Variants in BMPR1B observed in about 807,000 individuals in gnomAD.
BMPR1B encodes the protein bone morphogenetic protein receptor type-1B.
BMPR1B carries 12 observed loss-of-function variants against 59.1 expected under a neutral mutation model. The ratio of observed to expected loss-of-function variants is 0.20; its 90% CI spans 0.13 to 0.33. The LOEUF (loss-of-function observed/expected upper bound fraction) is 0.33, where lower values mean the gene tolerates loss of function less well. Ranked by LOEUF, BMPR1B falls within the 10% of genes least tolerant of loss-of-function variation. The pLI, the probability that BMPR1B is intolerant of heterozygous loss-of-function variation, is 1.00. For synonymous variants in BMPR1B, 237 were observed against 207.3 expected, an observed-to-expected ratio of 1.14 and a Z score of -1.23; for missense variants, 550 against 610.9, an observed-to-expected ratio of 0.90 and a Z score of 1.05.
intron 3 of BMPR1B, among the ~76,000 whole-genome samples, chr4:95,066,313 A>G (rs1012162238): frequency 6.6e-6 from 1 of 152,230 alleles, no homozygotes; most frequent in African/African-American, 2.4e-5. Flanking sequence ...GCACATAGAC[A>G]TAACATAAGC....
intron 3 of BMPR1B, among the ~76,000 whole-genome samples, chr4:95,046,936 T>C (rs546822329): frequency 2.0e-5 from 3 of 152,362 alleles, no homozygotes; most frequent in African/African-American, 7.2e-5. Context: ...GAACCTGTGA[T>C]GAAAGCTGCA....
intron 2 of BMPR1B, among the ~76,000 whole-genome samples, chr4:94,929,858 C>G (rs62316217): frequency 2.0e-5 from 3 of 152,016 alleles, no homozygotes; most frequent in Non-Finnish European, 4.4e-5. Flanking sequence ...AAGCTAACCT[C>G]GTCTTCCCTT....
chr4:95,091,316 G>C (rs1729971232), intron 3 of BMPR1B: 1 of 230,392 alleles, frequency 4.3e-6, no homozygotes, highest in Non-Finnish European at 7.0e-6. Context: ...TGACTCCTAG[G>C]TTTCTTTTCT....
At chr4:95,036,648 G>C (rs941340861) in intron 3 of BMPR1B, among the ~76,000 whole-genome samples, 2 of 148,814 alleles carry the variant, frequency 1.3e-5, no homozygotes, top group African/African-American at 4.9e-5. Flanking sequence ...CCAAATCTTG[G>C]CTATCATGGC....
intron 10 of BMPR1B, among the ~76,000 whole-genome samples, chr4:95,142,281 T>C (rs1734287472): frequency 6.6e-6 from 1 of 152,196 alleles, no homozygotes; most frequent in Admixed American, 6.5e-5. Context: ...GCACAGCCCC[T>C]TCTTCCATAG....
chr4:94,942,982 T>C (rs1729573896), intron 2 of BMPR1B, among the ~76,000 whole-genome samples: 1 of 152,196 alleles, frequency 6.6e-6, no homozygotes, highest in South Asian at 2.1e-4. Context: ...GTATCTTCAG[T>C]CGTCAACCTT....
intron 2 of BMPR1B, among the ~76,000 whole-genome samples, chr4:94,939,824 C>A (rs1370147200): frequency 2.0e-5 from 3 of 152,096 alleles, no homozygotes; most frequent in Non-Finnish European, 2.9e-5. Context: ...TTATTTGACA[C>A]CTTTTTAAAG....
At chr4:95,070,832 C>T (rs1728225950) in intron 3 of BMPR1B, among the ~76,000 whole-genome samples, 1 of 151,992 alleles carries the variant, frequency 6.6e-6, no homozygotes. Flanking sequence ...AAGATAAAGG[C>T]ATTTATCTTA....
At chr4:94,911,072 G>A (rs889790572) in intron 2 of BMPR1B, among the ~76,000 whole-genome samples, 2 of 152,132 alleles carry the variant, frequency 1.3e-5, no homozygotes, top group Admixed American at 1.3e-4. Context: ...ACATACTAAT[G>A]TATTCATAAA....
chr4:94,884,743 C>G (rs1393442197), intron 2 of BMPR1B, among the ~76,000 whole-genome samples: 1 of 152,056 alleles, frequency 6.6e-6, no homozygotes, highest in Non-Finnish European at 1.5e-5. Flanking sequence ...GCAGCAATGC[C>G]CCCAAACTTC....
chr4:95,085,358 G>A (rs1729498038), intron 3 of BMPR1B, among the ~76,000 whole-genome samples: 1 of 152,134 alleles, frequency 6.6e-6, no homozygotes, highest in Admixed American at 6.5e-5. Flanking sequence ...GAAGTCGAGA[G>A]AGGCAAACAG....
At chr4:94,762,968 T>C (rs1721837803) in intron 1 of BMPR1B, among the ~76,000 whole-genome samples, 2 of 152,066 alleles carry the variant, frequency 1.3e-5, no homozygotes, top group South Asian at 4.2e-4. Flanking sequence ...CTCAGCACCT[T>C]CTTAGAGTTC....
In BMPR1B at chr4:95,071,388, C is replaced by G. The variant is rs576868827; in HGVS notation, c.-17-33020C>G. On this transcript the variant is annotated intron_variant, in intron 3 of 12. Transcript: ENST00000515059. ...AAACTAAATTAAAACAAAAATCACT[C>G]TGTCTGATCAGTAATCATCTCTTAG... Among the ~76,000 whole-genome samples, 111 of 152,174 alleles carry G rather than the reference C, an allele frequency of 7.3e-4. No individual in the cohort carries two copies. The South Asian group carries it at 0.022, about 30-fold the overall frequency.
At chr4:95,006,830 C>T (rs1416674133) in intron 3 of BMPR1B, among the ~76,000 whole-genome samples, 6 of 152,028 alleles carry the variant, frequency 3.9e-5, no homozygotes, top group East Asian at 1.9e-4. Context: ...TGAGCCACCA[C>T]GCCCAGCCCT....
chr4:94,931,343 G>C (rs1729085872), intron 2 of BMPR1B, among the ~76,000 whole-genome samples: 2 of 152,070 alleles, frequency 1.3e-5, no homozygotes, highest in Admixed American at 1.3e-4. Context: ...AGTTACAAAT[G>C]TTATACACGT....
chr4:94,843,266 G>T (rs889129778), intron 1 of BMPR1B, among the ~76,000 whole-genome samples: 2 of 152,158 alleles, frequency 1.3e-5, no homozygotes, highest in African/African-American at 4.8e-5. Flanking sequence ...CCTTTGCCAG[G>T]TAAATTTGTG....
At chr4:94,916,999 G>T (rs184967441) in intron 2 of BMPR1B, among the ~76,000 whole-genome samples, 336 of 152,360 alleles carry the variant, frequency 2.2e-3, no homozygotes, top group African/African-American at 7.5e-3. Context: ...TATAGCTTGG[G>T]CTGCCACTTT....
At chr4:94,777,854 T>TGATGAAACCCC (rs1722436485) in intron 1 of BMPR1B, among the ~76,000 whole-genome samples, 2 of 151,790 alleles carry the variant, frequency 1.3e-5, no homozygotes, top group Non-Finnish European at 2.9e-5. Context: ...GATGAAACCC[T>TGATGAAACCCC]GTCTCTACTA....
chr4:94,824,688 A>G (rs1724322806), intron 1 of BMPR1B, among the ~76,000 whole-genome samples: 1 of 152,218 alleles, frequency 6.6e-6, no homozygotes, highest in Non-Finnish European at 1.5e-5. Flanking sequence ...AATTTTATTT[A>G]AAAGATTTGA....
Sources: gnomAD v4.1 joint callset for allele counts (sites outside exome capture counted in the v4.1 genomes callset) on GRCh38, gnomAD v4.1.1 for gene constraint, MANE v1.5 for transcripts, NCBI Gene and HGNC (gene_info 2026-07-23, HGNC 2026-07-21) for gene names.